COPZ2: variants seen among roughly 807,000 people sequenced by gnomAD.
COPZ2 encodes coatomer subunit zeta-2.
A neutral mutation model predicts 33.2 loss-of-function variants in COPZ2; 30 were observed. The observed-to-expected ratio is 0.90, with a 90% CI of 0.68 to 1.23. COPZ2 has a LOEUF of 1.23. Among genes scored for constraint, COPZ2 ranks in the 50% most tolerant of loss-of-function variants. The pLI, the probability that COPZ2 is intolerant of heterozygous loss-of-function variation, is 0.00. For synonymous variants in COPZ2, 89 were observed against 102.6 expected, an observed-to-expected ratio of 0.87 and a Z score of 0.80; for missense variants, 263 against 262.4, an observed-to-expected ratio of 1.00 and a Z score of -0.02.
chr17:48,035,733 ATTTCTTTTCTT>A (rs1426592115), intron 2 of COPZ2, among the ~76,000 whole-genome samples: 1 of 140,826 alleles, frequency 7.1e-6, no homozygotes, highest in Admixed American at 7.1e-5. Context: ...CTTACAACAC[ATTTCTTTTCTT>A]TTTCTTTTCT....
At chr17:48,039,023 G>A (rs2037034003), upstream of COPZ2, among the ~76,000 whole-genome samples, 3 of 152,118 alleles carry the variant, frequency 2.0e-5, no homozygotes, top group Admixed American at 6.6e-5. Flanking sequence ...TGCCCAGGCT[G>A]GAGTGCAGTG....
rs549908936 is a variant in COPZ2, at chr17:48,028,814, C to G, written c.547-304G>C. On this transcript the variant is annotated intron_variant, in intron 7 of 8. Coordinates refer to ENST00000621465, the MANE Select transcript of COPZ2 (RefSeq NM_016429.4). The surrounding 1 kb of genome is among the most constrained non-coding windows in gnomAD (Gnocchi z 4.5). Reference sequence around the variant, plus strand: ...GAGGTTCTATCCATACCCCTGACCCCCAACCTCAAGGCCAAGGCAGCCACC... The same window carrying G: ...GAGGTTCTATCCATACCCCTGACCCGCAACCTCAAGGCCAAGGCAGCCACC... 3.9e-5 allele frequency among the ~76,000 whole-genome samples: 6 copies of G among 152,210 alleles called. No individual in the cohort carries two copies. Among genetic ancestry groups the G allele is most frequent in the African/African-American group, 1.2e-4 (5 of 41,518 alleles).
At chr17:48,029,223 C>T (rs2036857317) in intron 6 of COPZ2, 47 bp from the exon 7 acceptor site, 2 of 1,516,292 alleles carry the variant, frequency 1.3e-6, no homozygotes, top group Admixed American at 2.0e-5. Flanking sequence ...TGGCACAATC[C>T]TCCCCTCCGC....
chr17:48,047,234 A>C, the COPZ2 span: 1 of 152,238 alleles, frequency 6.6e-6, no homozygotes, highest in Non-Finnish European at 1.5e-5. Context: ...TCTTCTAAGA[A>C]GACACAGTTG....
chr17:48,040,077 G>A (rs562191975), upstream of COPZ2, among the ~76,000 whole-genome samples: 18 of 151,728 alleles, frequency 1.2e-4, no homozygotes, highest in South Asian at 3.1e-3. Context: ...ACCCGAGACC[G>A]CACTACAGCA....
At chr17:48,042,778 A>G (rs972952817), upstream of COPZ2, among the ~76,000 whole-genome samples, 2 of 152,144 alleles carry the variant, frequency 1.3e-5, no homozygotes, top group Admixed American at 6.5e-5. Context: ...ATCTCTTTAC[A>G]TCTTAGTTTA....
upstream of COPZ2, among the ~76,000 whole-genome samples, chr17:48,039,100 G>A (rs117990138): frequency 0.051 from 7,800 of 152,090 alleles, 282 homozygotes; most frequent in Non-Finnish European, 0.073. Context: ...TCAGTCTCCC[G>A]AGTAGCTGGG....
intron 3 of COPZ2, among the ~76,000 whole-genome samples, chr17:48,033,660 G>C (rs1312203143): frequency 6.6e-6 from 1 of 152,196 alleles, no homozygotes; most frequent in African/African-American, 2.4e-5. Flanking sequence ...GGGTTGGGTA[G>C]TTGGGGGAAC....
upstream of COPZ2, among the ~76,000 whole-genome samples, chr17:48,038,413 C>T (rs909024512): frequency 1.3e-5 from 2 of 152,164 alleles, no homozygotes; most frequent in African/African-American, 4.8e-5. Flanking sequence ...TGACATCGGG[C>T]TTTGCAGCAT....
chr17:48,039,903 C>T (rs369203823), upstream of COPZ2, among the ~76,000 whole-genome samples: 98 of 152,128 alleles, frequency 6.4e-4, 1 homozygote, highest in South Asian at 0.02. Flanking sequence ...AGGCGGATCA[C>T]GAGGTCAGGA....
chr17:48,034,601 C>T (rs1245159889), intron 2 of COPZ2, among the ~76,000 whole-genome samples: 1 of 152,122 alleles, frequency 6.6e-6, no homozygotes, highest in Non-Finnish European at 1.5e-5. Flanking sequence ...ACGGCAAAAC[C>T]AGGAGTCCTT....
chr17:48,039,746 G>GT (rs1381027582), upstream of COPZ2, among the ~76,000 whole-genome samples: 1 of 152,064 alleles, frequency 6.6e-6, no homozygotes, highest in Non-Finnish European at 1.5e-5. Flanking sequence ...TTGTTTGTTT[G>GT]TTTTTTTGTT....
At chr17:48,034,760 A>G (rs1001998226) in intron 2 of COPZ2, among the ~76,000 whole-genome samples, 2 of 152,110 alleles carry the variant, frequency 1.3e-5, no homozygotes, top group African/African-American at 4.8e-5. Flanking sequence ...AGGCGGGTGG[A>G]TCACCTGAGG....
chr17:48,034,985 C>CA (rs922286109), intron 2 of COPZ2, among the ~76,000 whole-genome samples: 29 of 146,750 alleles, frequency 2.0e-4, no homozygotes, highest in East Asian at 3.9e-4. Flanking sequence ...GACTCCGTCT[C>CA]AAAAAAAAAA....
chr17:48,039,938 GGT>G (rs1337420407), upstream of COPZ2, among the ~76,000 whole-genome samples: 1 of 152,048 alleles, frequency 6.6e-6, no homozygotes, highest in East Asian at 1.9e-4. Context: ...TGGCCAACAT[GGT>G]GAAACCCCAT....
At position 48,033,241 on chromosome 17, in the gene COPZ2, T is replaced by C. The variant is rs1230263793; in HGVS notation, c.330A>G (p.Leu110=). Residue 110 remains leucine (L), a synonymous_variant, in exon 4 of 9, where the codon CTA becomes CTG. Transcript: ENST00000621465. ...IVYKNSIDLF[L]YVVGSSYENE... ...TCTCGTAGGATGAGCCCACCACGTA[T>C]AGGAAGAGGTCAATGCTGTTCTTGT... 6.2e-7 allele frequency: 1 copy of C among 1,613,178 alleles called. No homozygotes were observed. Among genetic ancestry groups the C allele is most frequent in the Non-Finnish European group, 8.5e-7 (1 of 1,179,430 alleles).
the COPZ2 span, chr17:48,047,949 G>C: frequency 1.3e-5 from 2 of 152,294 alleles, no homozygotes; most frequent in Admixed American, 1.3e-4. Flanking sequence ...CACTCTGGCG[G>C]CGATACACCT....
Position 48,028,612 on chromosome 17 carries a change from G to T in COPZ2, c.547-102C>A. 1 of 1,056,954 alleles carries T rather than the reference G, an allele frequency of 9.5e-7. No homozygotes were observed. The highest frequency in any genetic ancestry group is 1.4e-6 in the Non-Finnish European group (1 of 716,672). The allele number at this position is 1,056,954 out of a possible 1,614,324, so 65.5% of individuals were successfully genotyped here. ...TTGGGGGTATGGGTGAGGTGGTGCA[G>T]TGGTTAGGGTGATTCAGAGCTGCAC... On this transcript the variant is annotated intron_variant, in intron 7 of 8. Coordinates refer to ENST00000621465, the MANE Select transcript of COPZ2 (RefSeq NM_016429.4). The surrounding 1 kb of genome is among the most constrained non-coding windows in gnomAD (Gnocchi z 4.5).
intron 3 of COPZ2, among the ~76,000 whole-genome samples, chr17:48,033,611 T>C (rs2036932965): frequency 1.3e-5 from 2 of 152,146 alleles, no homozygotes; most frequent in Non-Finnish European, 2.9e-5. Flanking sequence ...CACAACACAG[T>C]TGGCCTCCTC....
Sources: allele counts gnomAD v4.1 joint callset (sites outside exome capture counted in the v4.1 genomes callset), GRCh38; gene constraint gnomAD v4.1.1; non-coding constraint Gnocchi (gnomAD v3.1); transcripts MANE v1.5; gene names NCBI Gene and HGNC (gene_info 2026-07-23, HGNC 2026-07-21).